KEL: variants seen among roughly 807,000 people sequenced by gnomAD.
KEL encodes the protein kell blood group glycoprotein.
A neutral mutation model predicts 99.5 loss-of-function variants in KEL; 96 were observed. The observed-to-expected ratio is 0.97, with a 90% confidence interval of 0.82 to 1.14. The LOEUF (loss-of-function observed/expected upper bound fraction) is 1.14, where lower values mean the gene tolerates loss of function less well. Ranked by LOEUF, KEL falls within the 50% of genes most tolerant of loss-of-function variation. KEL has a pLI of 0.00. For synonymous variants in KEL, 355 were observed against 354.8 expected (o/e 1.00, Z -0.01); for missense variants, 926 against 924.2 (o/e 1.00, Z -0.03).
intron 11 of KEL, among the ~76,000 whole-genome samples, chr7:142,945,470 C>T (rs1345751091): frequency 6.6e-6 from 1 of 152,054 alleles, no homozygotes; most frequent in Non-Finnish European, 1.5e-5. Context: ...TGAAGGAGTC[C>T]CAGGCATGTG....
chr7:142,946,209 C>G lies in KEL; in HGVS notation c.1312G>C (p.Ala438Pro). The change falls in exon 11 of 19, where the codon GCT becomes CCT. Residue 438 changes from alanine (A) to proline (P), a missense_variant and splice_region_variant. By Grantham distance (27) the Ala-to-Pro change is conservative. Transcript: ENST00000355265. ...GGCTGGGAAGAGCTCTCACATACAGCACTTCGGGTGCTCGGGCCAAAGGCC... is the reference window on the plus strand; with the variant it reads ...GGCTGGGAAGAGCTCTCACATACAGGACTTCGGGTGCTCGGGCCAAAGGCC... ...REAFGPSTRS[A>P]AMKLFTAIRD... 6.2e-7 allele frequency: 1 copy of G among 1,611,152 alleles called. No individual in the cohort carries two copies. The highest frequency in any genetic ancestry group is 8.5e-7 in the Non-Finnish European group (1 of 1,177,462).
In KEL at chr7:142,941,154, G is replaced by A; in HGVS notation, c.*98C>T. On this transcript the variant is annotated 3_prime_UTR_variant, in exon 19 of 19. Coordinates refer to ENST00000355265, the MANE Select transcript of KEL (RefSeq NM_000420.3). ...AAGCCAAGTGCCAGCTTTTATTTTT[G>A]GAACAGAAGCAGAAAGGAAATCTTG... 1.5e-6 allele frequency: 2 copies of A among 1,376,250 alleles called. No homozygotes were observed. The highest frequency in any genetic ancestry group is 2.1e-6 in the Non-Finnish European group (2 of 969,362). 85.3% of individuals were successfully genotyped at this position (1,376,250 alleles called of 1,614,324 possible). A position where few individuals can be genotyped will look rare whatever the true frequency, so the allele number is the denominator to read the frequency against.
chr7:142,944,338 T>C lies in KEL; in HGVS notation c.1476A>G (p.Arg492=). Residue 492 remains arginine, a synonymous_variant, in exon 13 of 19, where the codon CGA becomes CGG. Coordinates refer to ENST00000355265, the MANE Select transcript of KEL (RefSeq NM_000420.3). ...SEWALKPELA[R]QEYNDIQLGS... is the part of the protein sequence containing the mutation. ...AGGGACCCACATCGTTGTATTCTTG[T>C]CGGGCCAGCTCTGGCTTCAGGGCCC... The C allele has an allele frequency of 1.2e-6, 2 of 1,613,918 alleles. No individual in the cohort carries two copies. The highest frequency in any genetic ancestry group is 1.7e-6 in the Non-Finnish European group (2 of 1,179,818).
chr7:142,945,737 G>A (rs8176021), intron 11 of KEL, among the ~76,000 whole-genome samples: 3,369 of 151,750 alleles, frequency 0.022, 126 homozygotes, highest in African/African-American at 0.076. Context: ...CAAGCGATTC[G>A]CCTGCCTCGG....
chr7:142,944,430 T>C, intron 12 of KEL, 30 bp from the exon 13 acceptor site: 1 of 1,558,988 alleles, frequency 6.4e-7, no homozygotes, highest in Non-Finnish European at 8.9e-7. Flanking sequence ...AGGCTAGGAA[T>C]ACTCTCCGAG....
chr7:142,941,899 CCCAGG>C lies in KEL; in HGVS notation c.2038-491_2038-487del, dbSNP rs573938293. 3.2e-3 allele frequency among the ~76,000 whole-genome samples: 482 copies of C among 151,966 alleles called. 2 individuals carry two copies. Among genetic ancestry groups the C allele is most frequent in the African/African-American group, 8.4e-3 (348 of 41,426 alleles). ...TCTTGGCTCACTGCAACCTCCGCCTCCCAGGTTCAAGCGATTCTCGTGCCTCAGCC... is the reference window on the plus strand; with the variant it reads ...TCTTGGCTCACTGCAACCTCCGCCTCTTCAAGCGATTCTCGTGCCTCAGCC... On this transcript the variant is annotated intron_variant, in intron 18 of 18. Coordinates refer to ENST00000355265, the MANE Select transcript of KEL (RefSeq NM_000420.3).
chr7:142,944,060 T>A (rs780654220), intron 13 of KEL, among the ~76,000 whole-genome samples, 177 bp from the exon 14 acceptor site: 4 of 152,076 alleles, frequency 2.6e-5, no homozygotes, highest in Non-Finnish European at 4.4e-5. Flanking sequence ...TTTACACATA[T>A]CAGCACACAG....
chr7:142,941,615 C>T (rs1377656733), intron 18 of KEL, among the ~76,000 whole-genome samples: 1 of 152,048 alleles, frequency 6.6e-6, no homozygotes, highest in African/African-American at 2.4e-5. Context: ...TGTAATGATA[C>T]CATTTATCAA....
intron 10 of KEL, among the ~76,000 whole-genome samples, chr7:142,946,766 C>T (rs2116650523): frequency 6.6e-6 from 1 of 152,316 alleles, no homozygotes; most frequent in East Asian, 1.9e-4. Flanking sequence ...GTCCTACCAC[C>T]ATCACCTTTA....
chr7:142,952,899 A>T (rs1796725430), intron 9 of KEL, among the ~76,000 whole-genome samples: 1 of 152,176 alleles, frequency 6.6e-6, no homozygotes, highest in Non-Finnish European at 1.5e-5. Context: ...GGCTAGATGG[A>T]GTCTGGACTC....
chr7:142,954,231 G>A lies in KEL; in HGVS notation c.877C>T (p.Arg293Trp), dbSNP rs557358978. 45 of 1,613,410 alleles carry A rather than the reference G, an allele frequency of 2.8e-5. No homozygotes were observed. Among genetic ancestry groups the A allele is most frequent in the East Asian group, 8.9e-5 (4 of 44,880 alleles). ...FQFLRPLEQR[R>W]AQGKLFQMVT... ...ATCTGGAAGAGCTTGCCCTGTGCCCGCCGCTGCTCCAGGGGCCTCAGAAAC... is the reference window on the plus strand; with the variant it reads ...ATCTGGAAGAGCTTGCCCTGTGCCCACCGCTGCTCCAGGGGCCTCAGAAAC... The change falls in exon 8 of 19, where the codon CGG becomes TGG. Residue 293 changes from arginine (R) to tryptophan (W), a missense_variant. Coordinates refer to ENST00000355265, the MANE Select transcript of KEL (RefSeq NM_000420.3).
In KEL at chr7:142,942,890, T is replaced by C; in HGVS notation, c.1926A>G (p.Leu642=). 6.2e-7 allele frequency: 1 copy of C among 1,614,194 alleles called. No homozygotes were observed. The highest frequency in any genetic ancestry group is 1.1e-5 in the South Asian group (1 of 91,090). Residue 642 remains leucine, a synonymous_variant, in exon 17 of 19, where the codon CTA becomes CTG. Coordinates refer to ENST00000355265, the MANE Select transcript of KEL (RefSeq NM_000420.3). ...ACTTGCATACCTGCAGCGCGATGGC[T>C]AGCCCCCCAACGTCTGCAGCATTCT... ...FLENAADVGG[L]AIALQAYSKR...
chr7:142,961,103 G>T lies in KEL; in HGVS notation c.225C>A (p.Arg75=). 1 of 1,613,528 alleles carries T rather than the reference G, an allele frequency of 6.2e-7. No individual in the cohort carries two copies. Among genetic ancestry groups the T allele is most frequent in the Non-Finnish European group, 8.5e-7 (1 of 1,180,016 alleles). ...CCAAACACACAGATGTCTCACAGGG[G>T]CCTGTGGGGAAAAGCTCAGAGCTGG... ...LFYNFQNCGP[R]PCETSVCLDL... Residue 75 remains arginine (R), a splice_region_variant and synonymous_variant, in exon 4 of 19, where the codon CGC becomes CGA. Coordinates refer to ENST00000355265, the MANE Select transcript of KEL (RefSeq NM_000420.3).
In KEL at chr7:142,961,831, G is replaced by C; in HGVS notation, c.45C>G (p.Ser15Arg). The C allele has an allele frequency of 6.2e-7, 1 of 1,614,066 alleles. No individual in the cohort carries two copies. Among genetic ancestry groups the C allele is most frequent in the Non-Finnish European group, 8.5e-7 (1 of 1,180,002 alleles). ...DQSEEEPRER[S>R]QAGGMGTLWS... ...AGAGAGTTCCCATTCCACCTGCCTG[G>C]CTGCGTTCCCTCGGCTCTTCCTCAC... The change falls in exon 2 of 19, where the codon AGC becomes AGG. Residue 15 changes from serine to arginine, a missense_variant. By Grantham distance (110) the Ser-to-Arg change is moderately radical. Coordinates refer to ENST00000355265, the MANE Select transcript of KEL (RefSeq NM_000420.3).
At chr7:142,958,020 A>C (rs1346967947) in intron 5 of KEL, 47 bp from the exon 6 acceptor site, 2 of 1,599,542 alleles carry the variant, frequency 1.3e-6, no homozygotes, top group Non-Finnish European at 8.5e-7. Context: ...CGTGGAGCCC[A>C]TCCCCCATTG....
In KEL at chr7:142,943,565, A is replaced by G; in HGVS notation, c.1624T>C (p.Tyr542His). The change falls in exon 15 of 19, where the codon TAC becomes CAC. Residue 542 changes from tyrosine (Y) to histidine (H), a missense_variant. By Grantham distance (83) the Tyr-to-His change is moderately conservative (BLOSUM62 2). Coordinates refer to ENST00000355265, the MANE Select transcript of KEL (RefSeq NM_000420.3). ...WKVSPWDVNA[Y>H]YSVSDHVVVF... ...ACCACATGGTCAGATACCGAATAGT[A>G]AGCATTGACGTCCCAAGGGGACACC... 6.2e-7 allele frequency: 1 copy of G among 1,614,066 alleles called. No individual in the cohort carries two copies. Among genetic ancestry groups the G allele is most frequent in the Non-Finnish European group, 8.5e-7 (1 of 1,179,964 alleles).
intron 12 of KEL, 62 bp from the exon 13 acceptor site, chr7:142,944,462 C>A: frequency 7.1e-7 from 1 of 1,402,988 alleles, no homozygotes; most frequent in Non-Finnish European, 1.0e-6. Flanking sequence ...AAATTTCTCC[C>A]ACTCGTTGCC....
At chr7:142,951,936 G>T (rs1306229813) in intron 10 of KEL, among the ~76,000 whole-genome samples, 1 of 152,038 alleles carries the variant, frequency 6.6e-6, no homozygotes, top group African/African-American at 2.4e-5. Flanking sequence ...CAGCAAAGGA[G>T]CATCTCTGCA....
intron 11 of KEL, 31 bp downstream of exon 11, chr7:142,946,175 AG>A: frequency 6.9e-7 from 1 of 1,447,680 alleles, no homozygotes; most frequent in Non-Finnish European, 9.7e-7. Flanking sequence ...GAAGGGGTGG[AG>A]GGATGTGGGC....
Sources: allele counts gnomAD v4.1 joint callset (sites outside exome capture counted in the v4.1 genomes callset), GRCh38; gene constraint gnomAD v4.1.1; transcripts MANE v1.5; gene names NCBI Gene and HGNC (gene_info 2026-07-23, HGNC 2026-07-21).